The following CLEC16A variants were observed in gnomAD, a reference collection of about 807,000 sequenced individuals.
CLEC16A encodes protein CLEC16A.
In CLEC16A, 51 loss-of-function variants were observed where a neutral mutation model predicts 109.5. The observed-to-expected ratio is 0.47, with a 90% CI of 0.37 to 0.59. The LOEUF is 0.59. CLEC16A is among the 20% of genes least tolerant of loss of function. The pLI, the probability that CLEC16A is intolerant of heterozygous loss-of-function variation, is 0.00. For missense variants in CLEC16A, 1,339 were observed against 1,394.0 expected (o/e 0.96, Z 0.63); for synonymous variants, 673 against 564.2 (o/e 1.19, Z -2.73).
At chr16:11,071,328 T>TGA (rs1191233505) in intron 19 of CLEC16A, among the ~76,000 whole-genome samples, 5 of 152,204 alleles carry the variant, frequency 3.3e-5, no homozygotes, top group Admixed American at 3.3e-4. Flanking sequence ...AGAAAGACAA[T>TGA]GAAAAACAAA....
At chr16:11,066,515 T>A (rs982711132) in intron 19 of CLEC16A, 1 of 152,042 alleles carries the variant, frequency 6.6e-6, no homozygotes, top group Admixed American at 6.6e-5. Flanking sequence ...ATGAGGGAGC[T>A]CAGCCAGGAT....
chr16:11,011,218 G>C (rs928440371), intron 11 of CLEC16A, among the ~76,000 whole-genome samples: 32 of 152,262 alleles, frequency 2.1e-4, no homozygotes, highest in Non-Finnish European at 4.0e-4. Context: ...TTCTTGCCTG[G>C]TTCAGTCACT....
chr16:11,026,939 G>T, intron 13 of CLEC16A: 1 of 1,162,556 alleles, frequency 8.6e-7, no homozygotes. Context: ...TAGAACAGAC[G>T]TCTCTATGGT....
In CLEC16A at chr16:11,123,740, A is replaced by G; in HGVS notation, c.2269-2A>G. On this transcript the variant is annotated splice_acceptor_variant, in intron 20 of 23. Transcript: ENST00000409790. LOFTEE classifies it high-confidence loss of function. Reference sequence around the variant, plus strand: ...CCTTTTCCTTTGCTTCTCACTGTGCAGGACATGCAGGTGACTGGCGTGGAG... The same window carrying G: ...CCTTTTCCTTTGCTTCTCACTGTGCGGGACATGCAGGTGACTGGCGTGGAG... 6.2e-7 allele frequency: 1 copy of G among 1,614,034 alleles called. No individual in the cohort carries two copies. Among genetic ancestry groups the G allele is most frequent in the East Asian group, 2.2e-5 (1 of 44,894 alleles).
At chr16:10,953,613 T>G (rs564838471) in intron 1 of CLEC16A, among the ~76,000 whole-genome samples, 1 of 152,244 alleles carries the variant, frequency 6.6e-6, no homozygotes, top group East Asian at 1.9e-4. Context: ...TTTGCAATAT[T>G]TATCTCCAGT....
intron 19 of CLEC16A, among the ~76,000 whole-genome samples, chr16:11,075,917 C>G (rs1392872764): frequency 6.6e-6 from 1 of 152,132 alleles, no homozygotes; most frequent in East Asian, 1.9e-4. Context: ...ACTCCTCTGT[C>G]AAGAAATGAT....
At chr16:11,176,061 T>C (rs1302950539) in intron 23 of CLEC16A, among the ~76,000 whole-genome samples, 1 of 151,992 alleles carries the variant, frequency 6.6e-6, no homozygotes, top group African/African-American at 2.4e-5. Context: ...TGTGTGTGAG[T>C]TTGTCACAGG....
intron 19 of CLEC16A, among the ~76,000 whole-genome samples, chr16:11,096,238 A>C (rs1224309234): frequency 6.6e-6 from 1 of 152,046 alleles, no homozygotes; most frequent in Non-Finnish European, 1.5e-5. Flanking sequence ...CCAGCTGCTC[A>C]GGAGGCTGAG....
intron 19 of CLEC16A, among the ~76,000 whole-genome samples, chr16:11,109,602 G>T (rs2051446385): frequency 6.6e-6 from 1 of 152,136 alleles, no homozygotes; most frequent in African/African-American, 2.4e-5. Flanking sequence ...CTAATCCCTG[G>T]TACCAGCGCA....
intron 19 of CLEC16A, among the ~76,000 whole-genome samples, chr16:11,076,850 C>T (rs905034966): frequency 6.6e-6 from 1 of 152,214 alleles, no homozygotes; most frequent in Admixed American, 6.5e-5. Context: ...CTCCAGCCCA[C>T]CCCAGGGCCT....
chr16:11,035,435 C>G (rs1356751599), intron 13 of CLEC16A, among the ~76,000 whole-genome samples: 1 of 152,186 alleles, frequency 6.6e-6, no homozygotes, highest in Non-Finnish European at 1.5e-5. Context: ...CACTAGATCA[C>G]ATGACATACA....
chr16:11,072,546 G>C (rs138977263), intron 19 of CLEC16A, among the ~76,000 whole-genome samples: 2 of 152,134 alleles, frequency 1.3e-5, no homozygotes, highest in Non-Finnish European at 2.9e-5. Flanking sequence ...TAATGTTTAG[G>C]AACTGGAGCC....
At chr16:11,124,062 C>G (rs370585774) in intron 21 of CLEC16A, 116 bp downstream of exon 21, 9 of 964,610 alleles carry the variant, frequency 9.3e-6, no homozygotes, top group African/African-American at 6.6e-5. Flanking sequence ...ACGTATGATT[C>G]AGGAATTGTT....
Position 11,178,124 on chromosome 16 carries a change from C to T in CLEC16A, c.2807-211C>T, listed in dbSNP as rs2068830814. Among the ~76,000 whole-genome samples, 5 of 152,182 alleles carry T rather than the reference C, an allele frequency of 3.3e-5. No homozygotes were observed. The highest frequency in any genetic ancestry group is 2.1e-4 in the South Asian group (1 of 4,828). ...TCACAAGTCAGGGTAACCCTAGGCC[C>T]TGCTGTATTTTCCCCAGGCCTAAGT... On this transcript the variant is annotated intron_variant, in intron 23 of 23. Transcript: ENST00000409790. The surrounding 1 kb of genome is among the most constrained non-coding windows in gnomAD (Gnocchi z 6.5).
intron 11 of CLEC16A, among the ~76,000 whole-genome samples, chr16:11,013,574 G>C (rs2045565992): frequency 6.6e-6 from 1 of 152,150 alleles, no homozygotes; most frequent in Non-Finnish European, 1.5e-5. Context: ...AGACCAACCT[G>C]ACCAACATGG....
In CLEC16A at chr16:11,179,058, G is replaced by C. The variant is rs1212783737; in HGVS notation, c.*368G>C. On this transcript the variant is annotated 3_prime_UTR_variant, in exon 24 of 24. Transcript: ENST00000409790. ...TCTGTCACCAGCCCCAGTGTGCACA[G>C]AAGAATTGGACCAGGTCACTGTACG... 8.6e-6 allele frequency: 2 copies of C among 231,266 alleles called. No individual in the cohort carries two copies. The highest frequency in any genetic ancestry group is 1.7e-5 in the Non-Finnish European group (2 of 120,038). 14.3% of individuals were successfully genotyped at this position (231,266 alleles called of 1,614,324 possible). A position where few individuals can be genotyped will look rare whatever the true frequency, so the allele number is the denominator to read the frequency against.
At position 11,061,057 on chromosome 16, in the gene CLEC16A, G is replaced by A. The variant is rs767776004; in HGVS notation, c.2116+35G>A. On this transcript the variant is annotated intron_variant, in intron 19 of 23. Transcript: ENST00000409790. ...CTGCTCTGAGTCACAGCAGGGGGCT[G>A]GGGGACATGGGACATGGGACACCAC... 15 of 1,571,844 alleles carry A rather than the reference G, an allele frequency of 9.5e-6. No homozygotes were observed. In the African/African-American group the frequency reaches 1.6e-4, roughly 17 times the overall value.
intron 1 of CLEC16A, among the ~76,000 whole-genome samples, chr16:10,953,648 A>T (rs1457306988): frequency 6.6e-6 from 1 of 152,218 alleles, no homozygotes; most frequent in Non-Finnish European, 1.5e-5. Flanking sequence ...CAGAGTATAT[A>T]AAGAAAAGCA....
At chr16:11,030,176 G>T (rs552632328) in intron 13 of CLEC16A, among the ~76,000 whole-genome samples, 205 of 152,340 alleles carry the variant, frequency 1.3e-3, no homozygotes, top group African/African-American at 4.7e-3. Flanking sequence ...AAACAAAGCT[G>T]CTGTGAGCAT....
Sources: gnomAD v4.1 joint callset for allele counts (sites outside exome capture counted in the v4.1 genomes callset) on GRCh38, gnomAD v4.1.1 for gene constraint, Gnocchi (gnomAD v3.1) non-coding constraint, MANE v1.5 for transcripts, NCBI Gene and HGNC (gene_info 2026-07-23, HGNC 2026-07-21) for gene names.